Variants in CFAP299 observed in about 807,000 individuals in gnomAD.
The protein encoded by CFAP299 is cilia and flagella associated protein 299.
Under a neutral mutation model 27.0 loss-of-function variants are expected in CFAP299, and 21 were observed. The ratio of observed to expected loss-of-function variants is 0.78; its 90% CI spans 0.55 to 1.12. The LOEUF (loss-of-function observed/expected upper bound fraction) is 1.12, where lower values mean the gene tolerates loss of function less well. Ranked by LOEUF, CFAP299 falls within the 50% of genes most tolerant of loss-of-function variation. CFAP299 has a pLI of 0.00. For missense variants in CFAP299, 310 were observed against 276.6 expected, an observed-to-expected ratio of 1.12 and a Z score of -0.86; for synonymous variants, 104 against 98.1, an observed-to-expected ratio of 1.06 and a Z score of -0.36.
intron 4 of CFAP299, among the ~76,000 whole-genome samples, chr4:80,904,988 T>C (rs1735112192): frequency 1.3e-5 from 2 of 152,208 alleles, no homozygotes. Flanking sequence ...TAAGCTTACA[T>C]GCAAATATCC....
intron 3 of CFAP299, among the ~76,000 whole-genome samples, chr4:80,682,911 A>G (rs982399094): frequency 6.6e-6 from 1 of 152,164 alleles, no homozygotes; most frequent in African/African-American, 2.4e-5. Flanking sequence ...TGATGAACAG[A>G]TTGGTACCAA....
intron 2 of CFAP299, among the ~76,000 whole-genome samples, chr4:80,507,321 G>A (rs771689381): frequency 6.6e-6 from 1 of 152,102 alleles, no homozygotes; most frequent in African/African-American, 2.4e-5. Flanking sequence ...TTCTATGGGG[G>A]CGTCACATGG....
intron 2 of CFAP299, among the ~76,000 whole-genome samples, chr4:80,491,262 TA>T (rs1731120114): frequency 6.6e-6 from 1 of 152,134 alleles, no homozygotes; most frequent in East Asian, 1.9e-4. Context: ...TAATATAGAT[TA>T]AACACCAGAT....
At chr4:80,601,734 G>A (rs564796253) in intron 3 of CFAP299, among the ~76,000 whole-genome samples, 5 of 152,240 alleles carry the variant, frequency 3.3e-5, no homozygotes, top group African/African-American at 1.2e-4. Flanking sequence ...CATGGATCAC[G>A]TTCTCATTCA....
intron 3 of CFAP299, among the ~76,000 whole-genome samples, chr4:80,809,943 G>A (rs1350430974): frequency 1.3e-5 from 2 of 152,002 alleles, no homozygotes; most frequent in African/African-American, 4.8e-5. Context: ...CAACTCTGAG[G>A]TTCAATATCT....
intron 3 of CFAP299, among the ~76,000 whole-genome samples, chr4:80,729,565 G>A (rs935648668): frequency 1.4e-5 from 2 of 147,042 alleles, no homozygotes; most frequent in African/African-American, 5.0e-5. Context: ...TGTGGTGAGT[G>A]CTTATAATTT....
In CFAP299 at chr4:80,435,854, C is replaced by A. The variant is rs549042962; in HGVS notation, c.242+72970C>A. Among the ~76,000 whole-genome samples, 5 of 152,286 alleles carry A rather than the reference C, an allele frequency of 3.3e-5. No homozygotes were observed. In the South Asian group the frequency reaches 1.0e-3, roughly 32 times the overall value. On this transcript the variant is annotated intron_variant, in intron 2 of 5. Coordinates refer to ENST00000358105, the MANE Select transcript of CFAP299 (RefSeq NM_152770.3). The stretch of plus-strand genomic sequence containing the variant: ...CAGTTTAGATGGCCATATCCAATTT[C>A]TTTACAAGCCTTGAGTATTGTGTGT...
At chr4:80,629,326 G>T (rs1239667834) in intron 3 of CFAP299, among the ~76,000 whole-genome samples, 1 of 152,064 alleles carries the variant, frequency 6.6e-6, no homozygotes, top group Non-Finnish European at 1.5e-5. Context: ...AGTCAGGGGG[G>T]AGAGATGTTG....
intron 3 of CFAP299, among the ~76,000 whole-genome samples, chr4:80,584,037 GA>G (rs140869913): frequency 6.6e-6 from 1 of 151,816 alleles, no homozygotes; most frequent in Non-Finnish European, 1.5e-5. Flanking sequence ...TTCAGAGAGA[GA>G]AAAAAATCAT....
At chr4:80,450,770 G>A (rs1728862657) in intron 2 of CFAP299, among the ~76,000 whole-genome samples, 1 of 151,912 alleles carries the variant, frequency 6.6e-6, no homozygotes, top group Non-Finnish European at 1.5e-5. Context: ...AATCCTAGTT[G>A]TTAAAATATT....
intron 4 of CFAP299, among the ~76,000 whole-genome samples, chr4:80,902,586 T>TACGCACACAC (rs1734979387): frequency 7.9e-6 from 1 of 126,674 alleles, no homozygotes; most frequent in Non-Finnish European, 1.6e-5. Flanking sequence ...ATGTAATATA[T>TACGCACACAC]ACACACACAC....
intron 3 of CFAP299, chr4:80,608,521 G>C (rs1361117031): frequency 3.8e-6 from 2 of 531,140 alleles, no homozygotes; most frequent in Non-Finnish European, 6.7e-6. Flanking sequence ...ACAGTCACAA[G>C]TAGTGCTTTT....
At chr4:80,919,092 A>G (rs1307590423) in intron 4 of CFAP299, among the ~76,000 whole-genome samples, 2 of 152,102 alleles carry the variant, frequency 1.3e-5, no homozygotes, top group Non-Finnish European at 2.9e-5. Flanking sequence ...AGTTTCCACA[A>G]TTTGGCACTG....
At chr4:80,870,552 C>T (rs1394119545) in intron 4 of CFAP299, 6 of 988,186 alleles carry the variant, frequency 6.1e-6, no homozygotes, top group Non-Finnish European at 7.2e-6. Context: ...TCTCTCATCT[C>T]TGTCCTATTC....
chr4:80,565,884 T>A (rs1166549295), intron 2 of CFAP299, among the ~76,000 whole-genome samples: 1 of 152,080 alleles, frequency 6.6e-6, no homozygotes, highest in African/African-American at 2.4e-5. Flanking sequence ...TTTATTTGGA[T>A]GAAAGGAGAC....
At position 80,640,202 on chromosome 4, in the gene CFAP299, A is replaced by G. The variant is rs912470809; in HGVS notation, c.333+57019A>G. Among the ~76,000 whole-genome samples, 9 of 152,256 alleles carry G rather than the reference A, an allele frequency of 5.9e-5. No individual in the cohort carries two copies. The East Asian group carries it at 1.5e-3, about 26-fold the overall frequency. On this transcript the variant is annotated intron_variant, in intron 3 of 5. Transcript: ENST00000358105. ...CATGTTGCTGGTGTGACTGCCCAGGAGTTATGGCTATGAAGCCGGCTCTGA... is the reference window on the plus strand; with the variant it reads ...CATGTTGCTGGTGTGACTGCCCAGGGGTTATGGCTATGAAGCCGGCTCTGA...
In CFAP299 at chr4:80,386,629, G is replaced by C. The variant is rs1256336757; in HGVS notation, c.242+23745G>C. 19 of 1,597,754 alleles carry C rather than the reference G, an allele frequency of 1.2e-5. No homozygotes were observed. The Admixed American group carries it at 2.2e-4, about 18-fold the overall frequency. ...AGCCCTTGGCACAGCCAGCATAGCG[G>C]AACTTGTAGTAGCCCGTGTGGGCGC... On this transcript the variant is annotated intron_variant, in intron 2 of 5. Transcript: ENST00000358105.
intron 3 of CFAP299, among the ~76,000 whole-genome samples, chr4:80,604,827 G>T (rs190622929): frequency 1.3e-5 from 2 of 151,240 alleles, no homozygotes; most frequent in African/African-American, 2.4e-5. Context: ...CATCAGAAAC[G>T]CAGGATGGAT....
chr4:80,839,216 A>G (rs566595945), intron 3 of CFAP299, among the ~76,000 whole-genome samples: 15 of 152,062 alleles, frequency 9.9e-5, no homozygotes, highest in Non-Finnish European at 2.1e-4. Flanking sequence ...GTAGATATTT[A>G]TGGTGTATTT....
Sources: allele counts gnomAD v4.1 joint callset (sites outside exome capture counted in the v4.1 genomes callset), GRCh38; gene constraint gnomAD v4.1.1; transcripts MANE v1.5; gene names NCBI Gene and HGNC (gene_info 2026-07-23, HGNC 2026-07-21).